PRDM5: variants seen among roughly 807,000 people sequenced by gnomAD.
The protein encoded by PRDM5 is PR/SET domain 5.
In PRDM5, 56 loss-of-function variants were observed where a neutral mutation model predicts 81.2. That is an observed-to-expected ratio of 0.69 (90% CI 0.56 to 0.86). The LOEUF is 0.86. Ranked by LOEUF, PRDM5 falls within the 40% of genes least tolerant of loss-of-function variation. The probability of loss-of-function intolerance (pLI) is 0.00; values close to 1 mark genes in which losing one functional copy is unlikely to be tolerated. For missense variants in PRDM5, 697 were observed against 770.1 expected, an observed-to-expected ratio of 0.91 and a Z score of 1.12; for synonymous variants, 267 against 256.4, an observed-to-expected ratio of 1.04 and a Z score of -0.39.
chr4:120,730,804 T>A (rs1300970681), intron 14 of PRDM5, among the ~76,000 whole-genome samples: 1 of 152,172 alleles, frequency 6.6e-6, no homozygotes, highest in Non-Finnish European at 1.5e-5. Context: ...TAGAGGTTTA[T>A]TTTAGCTAAA....
intron 14 of PRDM5, among the ~76,000 whole-genome samples, chr4:120,737,070 T>C (rs1741219980): frequency 6.6e-6 from 1 of 152,126 alleles, no homozygotes. Context: ...TGGCCTGAGG[T>C]GTCTGCCCAC....
intron 3 of PRDM5, among the ~76,000 whole-genome samples, chr4:120,834,008 T>C (rs1294520794): frequency 6.6e-6 from 1 of 152,096 alleles, no homozygotes; most frequent in Non-Finnish European, 1.5e-5. Flanking sequence ...GAAAAGTAGA[T>C]TTATGCTATA....
intron 14 of PRDM5, among the ~76,000 whole-genome samples, chr4:120,737,884 A>G (rs1741345513): frequency 6.6e-6 from 1 of 152,208 alleles, no homozygotes; most frequent in Non-Finnish European, 1.5e-5. Context: ...TTAATTTGGT[A>G]AATTTAATAA....
At chr4:120,691,664 G>T (rs74327496), downstream of PRDM5, among the ~76,000 whole-genome samples, 64 of 152,044 alleles carry the variant, frequency 4.2e-4, 2 homozygotes, top group East Asian at 0.011. Flanking sequence ...ATTGTTCTTT[G>T]TATAACCAGG....
chr4:120,875,986 C>T (rs1192453818), intron 2 of PRDM5, among the ~76,000 whole-genome samples: 5 of 152,116 alleles, frequency 3.3e-5, no homozygotes, highest in Non-Finnish European at 7.3e-5. Flanking sequence ...GGCTCCAATG[C>T]TATTGATATA....
At chr4:120,884,994 C>G (rs1763250508) in intron 2 of PRDM5, among the ~76,000 whole-genome samples, 1 of 151,248 alleles carries the variant, frequency 6.6e-6, no homozygotes, top group Admixed American at 6.6e-5. Flanking sequence ...ACTAAAAATA[C>G]AAAAAATTAC....
chr4:120,684,770 GAAT>G (rs534949321), downstream of PRDM5: 19 of 151,332 alleles, frequency 1.3e-4, no homozygotes, highest in African/African-American at 4.6e-4. Flanking sequence ...ATAATTACAT[GAAT>G]AATTACATGA....
At chr4:120,891,510 T>G (rs1253702160) in intron 2 of PRDM5, among the ~76,000 whole-genome samples, 1 of 152,314 alleles carries the variant, frequency 6.6e-6, no homozygotes, top group South Asian at 2.1e-4. Flanking sequence ...TTCTGTATGG[T>G]TTTTCACATC....
At chr4:120,792,443 T>C (rs964001807) in intron 10 of PRDM5, among the ~76,000 whole-genome samples, 18 of 152,174 alleles carry the variant, frequency 1.2e-4, no homozygotes, top group Non-Finnish European at 2.1e-4. Flanking sequence ...GCAAGAACTA[T>C]TGGAACCCCT....
rs183116314 is a variant in PRDM5, at chr4:120,754,465, T to G, written c.1623+88A>C. On this transcript the variant is annotated intron_variant, in intron 14 of 15. Coordinates refer to ENST00000264808, the MANE Select transcript of PRDM5 (RefSeq NM_018699.4). ...ATATACAACTTCCAGTGTATTGCCTTTATTTTGTAATATAAAGTTAAATAT... is the reference window on the plus strand; with the variant it reads ...ATATACAACTTCCAGTGTATTGCCTGTATTTTGTAATATAAAGTTAAATAT... 36 of 921,990 alleles carry G rather than the reference T, an allele frequency of 3.9e-5. No homozygotes were observed. The East Asian group carries it at 9.1e-4, about 23-fold the overall frequency. The allele number at this position is 921,990 out of a possible 1,614,324, so 57.1% of individuals were successfully genotyped here. A position where few individuals can be genotyped will look rare whatever the true frequency, so the allele number is the denominator to read the frequency against.
intron 14 of PRDM5, among the ~76,000 whole-genome samples, chr4:120,739,970 G>C (rs994020374): frequency 1.3e-5 from 2 of 151,890 alleles, no homozygotes; most frequent in Non-Finnish European, 2.9e-5. Flanking sequence ...TGATGCTGTC[G>C]GTCTCTGAAA....
chr4:120,706,326 G>GTATTTCCCA (rs1294174131), intron 15 of PRDM5, among the ~76,000 whole-genome samples: 1 of 152,090 alleles, frequency 6.6e-6, no homozygotes, highest in Admixed American at 6.6e-5. Context: ...GGATCTCTGT[G>GTATTTCCCA]TATTTCCCAT....
Position 120,853,324 on chromosome 4 carries a change from C to T in PRDM5, c.300+94G>A, listed in dbSNP as rs1561493549. On this transcript the variant is annotated intron_variant, in intron 3 of 15. Transcript: ENST00000264808. ...TGAGTTACTGTTATTTGAAGGAGGT[C>T]ATTGGGAAACAAATTTAAAACAGGG... The T allele has an allele frequency of 3.8e-6, 6 of 1,563,982 alleles. No individual in the cohort carries two copies. The East Asian group carries it at 1.3e-4, about 35-fold the overall frequency.
intron 2 of PRDM5, among the ~76,000 whole-genome samples, chr4:120,864,594 T>C (rs1760995623): frequency 6.6e-6 from 1 of 152,214 alleles, no homozygotes; most frequent in African/African-American, 2.4e-5. Flanking sequence ...CTCCTAGCAG[T>C]GTCATCATAG....
At chr4:120,752,923 C>G (rs1242060539) in intron 14 of PRDM5, among the ~76,000 whole-genome samples, 2 of 152,072 alleles carry the variant, frequency 1.3e-5, no homozygotes, top group Non-Finnish European at 2.9e-5. Context: ...TCTTAACTAT[C>G]TGTATTATTC....
intron 14 of PRDM5, among the ~76,000 whole-genome samples, chr4:120,744,716 C>G (rs1218357351): frequency 2.0e-5 from 3 of 151,128 alleles, no homozygotes; most frequent in Admixed American, 6.6e-5. Flanking sequence ...ATACACTCTC[C>G]CAAGACTAAA....
intron 13 of PRDM5, among the ~76,000 whole-genome samples, chr4:120,764,058 A>G (rs1746021521): frequency 6.6e-6 from 1 of 152,148 alleles, no homozygotes; most frequent in Admixed American, 6.5e-5. Flanking sequence ...GAAAGCACAA[A>G]TTAGGGGAAA....
At chr4:120,858,060 G>A (rs1434844748) in intron 2 of PRDM5, among the ~76,000 whole-genome samples, 1 of 152,084 alleles carries the variant, frequency 6.6e-6, no homozygotes. Flanking sequence ...AATACAGTCA[G>A]TTCCAAAAAA....
intron 2 of PRDM5, among the ~76,000 whole-genome samples, chr4:120,882,382 A>G (rs550588387): frequency 6.6e-6 from 1 of 152,256 alleles, no homozygotes; most frequent in Non-Finnish European, 1.5e-5. Flanking sequence ...TCCTGACCTC[A>G]GGTGATGCAC....
Sources: allele counts gnomAD v4.1 joint callset (sites outside exome capture counted in the v4.1 genomes callset), GRCh38; gene constraint gnomAD v4.1.1; transcripts MANE v1.5; gene names NCBI Gene and HGNC (gene_info 2026-07-23, HGNC 2026-07-21).